The following TNFRSF11B variants were observed in gnomAD, a reference collection of about 807,000 sequenced individuals.
TNFRSF11B encodes the protein TNF receptor superfamily member 11b.
In TNFRSF11B, 16 loss-of-function variants were observed where a neutral mutation model predicts 43.4. That is an observed-to-expected ratio of 0.37 (90% CI 0.25 to 0.56). The LOEUF is 0.56. TNFRSF11B is among the 20% of genes least tolerant of loss of function. The pLI is 0.80. For missense variants in TNFRSF11B, 444 were observed against 490.1 expected, an observed-to-expected ratio of 0.91 and a Z score of 0.89; for synonymous variants, 185 against 181.8, an observed-to-expected ratio of 1.02 and a Z score of -0.14.
chr8:118,940,899 A>G (rs1359585702), intron 1 of TNFRSF11B, among the ~76,000 whole-genome samples: 1 of 152,222 alleles, frequency 6.6e-6, no homozygotes, highest in Non-Finnish European at 1.5e-5. Context: ...ATTTGTCTCC[A>G]TATTTCTTAA....
At chr8:118,933,895 G>C (rs1368463252) in intron 1 of TNFRSF11B, among the ~76,000 whole-genome samples, 1 of 152,152 alleles carries the variant, frequency 6.6e-6, no homozygotes, top group African/African-American at 2.4e-5. Flanking sequence ...GGGCACTTGG[G>C]ATACAATTCT....
At chr8:118,927,022 C>T (rs1301280495) in intron 3 of TNFRSF11B, among the ~76,000 whole-genome samples, 1 of 152,066 alleles carries the variant, frequency 6.6e-6, no homozygotes, top group African/African-American at 2.4e-5. Flanking sequence ...ATAATGAATA[C>T]AAACATTAAC....
rs1029088948 is a variant in TNFRSF11B, at chr8:118,931,646, G to A, written c.400+1285C>T. Among the ~76,000 whole-genome samples, 69 of 152,092 alleles carry A rather than the reference G, an allele frequency of 4.5e-4. 1 individual carries two copies. Among genetic ancestry groups the A allele is most frequent in the African/African-American group, 1.7e-3 (69 of 41,422 alleles). On this transcript the variant is annotated intron_variant, in intron 2 of 4. Transcript: ENST00000297350. ...CAATTCCTCCCTCAAATACTCATAC[G>A]AAGAGGAATTTTAAGGGACTCTGAT...
Position 118,937,768 on chromosome 8 carries a change from A to C in TNFRSF11B, c.31-4468T>G, listed in dbSNP as rs1812423594. Among the ~76,000 whole-genome samples, 3 of 152,186 alleles carry C rather than the reference A, an allele frequency of 2.0e-5. No homozygotes were observed. In the South Asian group the frequency reaches 6.2e-4, roughly 32 times the overall value. On this transcript the variant is annotated intron_variant, in intron 1 of 4. Transcript: ENST00000297350. ...GGGAAAACATCTAGAAGGATCAATT[A>C]GTTTCAATCAATTAGTTTCATAAAT... is the stretch of plus-strand genomic sequence containing the variant.
At chr8:118,939,429 G>A (rs917587971) in intron 1 of TNFRSF11B, among the ~76,000 whole-genome samples, 5 of 152,182 alleles carry the variant, frequency 3.3e-5, no homozygotes, top group African/African-American at 7.2e-5. Flanking sequence ...CATAAAAGGG[G>A]AGAAAGAGCA....
intron 1 of TNFRSF11B, among the ~76,000 whole-genome samples, chr8:118,934,220 A>G (rs1436726501): frequency 6.6e-6 from 1 of 152,202 alleles, no homozygotes; most frequent in East Asian, 1.9e-4. Context: ...TGCAACAGAT[A>G]TAGGTTGAAT....
At position 118,933,151 on chromosome 8, in the gene TNFRSF11B, G is replaced by C. The variant is rs755154434; in HGVS notation, c.180C>G (p.Thr60=). 3.1e-6 allele frequency: 5 copies of C among 1,614,154 alleles called. No individual in the cohort carries two copies. Among genetic ancestry groups the C allele is most frequent in the Non-Finnish European group, 4.2e-6 (5 of 1,180,038 alleles). Residue 60 remains threonine, a synonymous_variant, in exon 2 of 5, where the codon ACC becomes ACG. Coordinates refer to ENST00000297350, the MANE Select transcript of TNFRSF11B (RefSeq NM_002546.4). ...AGTGGTCAGGGCAAGGGGCGCACAC[G>C]GTCTTCCACTTTGCTGTACAGTGTT... The part of the protein sequence containing the change: ...LKQHCTAKWK[T]VCAPCPDHYY...
At chr8:118,928,158 A>G (rs1418004334) in intron 3 of TNFRSF11B, among the ~76,000 whole-genome samples, 2 of 152,006 alleles carry the variant, frequency 1.3e-5, no homozygotes, top group African/African-American at 4.8e-5. Flanking sequence ...AGTAGCTGGT[A>G]CTAGAAGTGC....
intron 2 of TNFRSF11B, 22 bp downstream of exon 2, chr8:118,932,909 T>G (rs1216584153): frequency 1.2e-6 from 2 of 1,613,870 alleles, no homozygotes; most frequent in South Asian, 1.1e-5. Flanking sequence ...CCTAATTAAT[T>G]TTGCTGCACA....
At chr8:118,924,823 T>G in intron 4 of TNFRSF11B, 61 bp from the exon 5 acceptor site, 1 of 1,607,348 alleles carries the variant, frequency 6.2e-7, no homozygotes, top group Non-Finnish European at 8.5e-7. Context: ...AATGCCATCA[T>G]AAAACAAGCG....
In TNFRSF11B at chr8:118,924,219, T is replaced by C. The variant is rs549411571; in HGVS notation, c.*155A>G. 6 of 770,810 alleles carry C rather than the reference T, an allele frequency of 7.8e-6. No homozygotes were observed. In the South Asian group the frequency reaches 9.5e-5, roughly 12 times the overall value. 47.7% of individuals were successfully genotyped at this position (770,810 alleles called of 1,614,324 possible). A position where few individuals can be genotyped will look rare whatever the true frequency, so the allele number is the denominator to read the frequency against. The stretch of plus-strand genomic sequence containing the variant: ...GGTTTATTGGAGGAGATGTTAGTCC[T>C]TTCTCCACATCATAGTTTCTTTTAG... On this transcript the variant is annotated 3_prime_UTR_variant, in exon 5 of 5. Transcript: ENST00000297350.
chr8:118,935,715 A>T (rs1812396986), intron 1 of TNFRSF11B, among the ~76,000 whole-genome samples: 2 of 152,166 alleles, frequency 1.3e-5, no homozygotes, highest in Admixed American at 1.3e-4. Context: ...AGTAATGAGA[A>T]ATACTGTTTT....
At chr8:118,936,420 A>G (rs1251887826) in intron 1 of TNFRSF11B, among the ~76,000 whole-genome samples, 2 of 152,150 alleles carry the variant, frequency 1.3e-5, no homozygotes, top group African/African-American at 4.8e-5. Context: ...TTAGGTCTCA[A>G]TCTTTGGTTA....
intron 1 of TNFRSF11B, among the ~76,000 whole-genome samples, chr8:118,948,666 C>T (rs1812599868): frequency 6.6e-6 from 1 of 151,936 alleles, no homozygotes; most frequent in African/African-American, 2.4e-5. Flanking sequence ...CTAGGTGACC[C>T]GGGCCAGGAA....
chr8:118,949,199 C>T (rs3134067), intron 1 of TNFRSF11B, among the ~76,000 whole-genome samples: 14,159 of 152,016 alleles, frequency 0.093, 827 homozygotes, highest in African/African-American at 0.17. Context: ...TTTGCACTCA[C>T]AAAAAGAATC....
intron 1 of TNFRSF11B, among the ~76,000 whole-genome samples, chr8:118,934,150 T>G (rs11573902): frequency 0.022 from 3,303 of 152,270 alleles, 107 homozygotes; most frequent in African/African-American, 0.076. Context: ...AAGAAAATAC[T>G]GAAGAGTTGG....
At position 118,924,270 on chromosome 8, in the gene TNFRSF11B, G is replaced by C; in HGVS notation, c.*104C>G. On this transcript the variant is annotated 3_prime_UTR_variant, in exon 5 of 5. Coordinates refer to ENST00000297350, the MANE Select transcript of TNFRSF11B (RefSeq NM_002546.4). ...TACCCTGTGGCAAAATTAGTCACTG[G>C]TAATGAGAAAGATATCACTGAAAGC... The C allele has an allele frequency of 7.3e-7, 1 of 1,377,564 alleles. No homozygotes were observed. Among genetic ancestry groups the C allele is most frequent in the Non-Finnish European group, 1.0e-6 (1 of 975,476 alleles). The allele number at this position is 1,377,564 out of a possible 1,614,324, so 85.3% of individuals were successfully genotyped here.
Position 118,926,522 on chromosome 8 carries a change from G to T in TNFRSF11B, c.789C>A (p.Asp263Glu). The change falls in exon 4 of 5, where the codon GAC becomes GAA. Residue 263 changes from aspartate (D) to glutamate (E), a missense_variant. Transcript: ENST00000297350. ...GGATGATCTTCTTGACTATATCTTG[G>T]TCTTTGTTTTGATGTTTCCATAACT... ...LLKLWKHQNK[D>E]QDIVKKIIQD... 1 of 1,613,768 alleles carries T rather than the reference G, an allele frequency of 6.2e-7. No homozygotes were observed. Among genetic ancestry groups the T allele is most frequent in the Non-Finnish European group, 8.5e-7 (1 of 1,179,868 alleles).
At chr8:118,931,245 T>G (rs1350936746) in intron 2 of TNFRSF11B, among the ~76,000 whole-genome samples, 1 of 152,214 alleles carries the variant, frequency 6.6e-6, no homozygotes, top group African/African-American at 2.4e-5. Context: ...TGGAAACCTC[T>G]TATTTCCCAA....
Sources: allele counts gnomAD v4.1 joint callset (sites outside exome capture counted in the v4.1 genomes callset), GRCh38; gene constraint gnomAD v4.1.1; transcripts MANE v1.5; gene names NCBI Gene and HGNC (gene_info 2026-07-23, HGNC 2026-07-21).